DGKH: variants seen among roughly 807,000 people sequenced by gnomAD.
The protein encoded by DGKH is DAG kinase eta.
A neutral mutation model predicts 159.3 loss-of-function variants in DGKH; 90 were observed. That is an observed-to-expected ratio of 0.57 (90% CI 0.48 to 0.67). The LOEUF (loss-of-function observed/expected upper bound fraction) is 0.67. DGKH is among the 30% of genes least tolerant of loss of function. The pLI is 0.00. For synonymous variants in DGKH, 536 were observed against 553.8 expected, an observed-to-expected ratio of 0.97 and a Z score of 0.45; for missense variants, 1,181 against 1,506.1, an observed-to-expected ratio of 0.78 and a Z score of 3.57.
chr13:42,207,145 CCT>C (rs577050661), intron 21 of DGKH, among the ~76,000 whole-genome samples: 887 of 60,156 alleles, frequency 0.015, 75 homozygotes, highest in Admixed American at 0.023. Flanking sequence ...TTCCTTCCTT[CCT>C]TCCTTCCTTC....
chr13:42,132,096 A>G (rs1483545864), intron 3 of DGKH, among the ~76,000 whole-genome samples: 2 of 152,188 alleles, frequency 1.3e-5, no homozygotes, highest in East Asian at 1.9e-4. Context: ...GAGGGTGAAT[A>G]AGGTTTTCCC....
At chr13:42,061,649 CAG>C (rs1882179027) in intron 1 of DGKH, among the ~76,000 whole-genome samples, 1 of 152,128 alleles carries the variant, frequency 6.6e-6, no homozygotes, top group Non-Finnish European at 1.5e-5. Context: ...ACTCCAGTGC[CAG>C]AGTTATCTTT....
At chr13:42,134,059 T>C (rs1479661222) in intron 3 of DGKH, among the ~76,000 whole-genome samples, 3 of 152,162 alleles carry the variant, frequency 2.0e-5, no homozygotes, top group African/African-American at 4.8e-5. Flanking sequence ...AAGGGTGATA[T>C]ATTGACAAAG....
At chr13:42,158,899 A>G (rs1009496090) in intron 5 of DGKH, among the ~76,000 whole-genome samples, 4 of 152,160 alleles carry the variant, frequency 2.6e-5, no homozygotes, top group Non-Finnish European at 4.4e-5. Context: ...ATCAGCACCT[A>G]CATTTAAAAT....
At chr13:42,063,014 A>G (rs887213796) in intron 1 of DGKH, among the ~76,000 whole-genome samples, 1 of 152,330 alleles carries the variant, frequency 6.6e-6, no homozygotes, top group African/African-American at 2.4e-5. Flanking sequence ...ATGATTCTAC[A>G]TTCAGGTTTA....
intron 29 of DGKH, 56 bp from the exon 30 acceptor site, chr13:42,229,043 T>G: frequency 6.8e-7 from 1 of 1,461,680 alleles, no homozygotes; most frequent in African/African-American, 1.4e-5. Context: ...ATTTTCTTTC[T>G]GTGTTTTTTC....
chr13:42,180,995 G>A (rs1055994429), intron 13 of DGKH, among the ~76,000 whole-genome samples: 17 of 151,870 alleles, frequency 1.1e-4, no homozygotes, highest in South Asian at 4.2e-4. Context: ...TATCCTCTTC[G>A]GCCGGGCGCG....
chr13:42,125,784 G>A (rs979715455), intron 1 of DGKH, among the ~76,000 whole-genome samples: 6 of 152,100 alleles, frequency 3.9e-5, no homozygotes, highest in African/African-American at 1.4e-4. Context: ...TGTAAAAGTT[G>A]GAAATGAACT....
chr13:42,150,778 C>T (rs7990272), intron 3 of DGKH, among the ~76,000 whole-genome samples: 15,295 of 152,016 alleles, frequency 0.1, 1,860 homozygotes, highest in African/African-American at 0.29. Context: ...GTGTGGTAGG[C>T]TGAATAATGG....
chr13:42,094,020 TA>T (rs35291002), intron 1 of DGKH, among the ~76,000 whole-genome samples: 24,188 of 147,192 alleles, frequency 0.16, 2,076 homozygotes, highest in South Asian at 0.21. Context: ...TTTCCCTCAA[TA>T]AAAAAAACTT....
intron 8 of DGKH, among the ~76,000 whole-genome samples, chr13:42,165,927 C>T (rs73187291): frequency 0.11 from 16,100 of 152,010 alleles, 861 homozygotes; most frequent in Middle Eastern, 0.15. Context: ...CTAATTACTT[C>T]CTTCTAAGCA....
At chr13:42,204,308 C>T (rs2138172955) in intron 20 of DGKH, among the ~76,000 whole-genome samples, 1 of 152,196 alleles carries the variant, frequency 6.6e-6, no homozygotes, top group East Asian at 1.9e-4. Flanking sequence ...CATATTTATT[C>T]ATTCAACAAA....
rs1235475525 is a variant in DGKH at position 42,240,646 on chromosome 13, T to TTTAGA, written c.*11458_*11459insTTAGA. ...ATTTCAGGTTATTTAGAGTTATTAA[T>TTTAGA]GTAAACATAAGAAGGCTTGTGACTC... On this transcript the variant is annotated 3_prime_UTR_variant, in exon 30 of 30. Coordinates refer to ENST00000337343, the MANE Select transcript of DGKH (RefSeq NM_178009.5). The TTTAGA allele has an allele frequency of 6.6e-6, 1 of 152,206 alleles. No homozygotes were observed. The highest frequency in any genetic ancestry group is 1.5e-5 in the Non-Finnish European group (1 of 68,048). 9.4% of individuals were successfully genotyped at this position (152,206 alleles called of 1,614,324 possible).
intron 3 of DGKH, chr13:42,138,073 T>C: frequency 1.0e-6 from 1 of 985,206 alleles, no homozygotes; most frequent in Non-Finnish European, 1.2e-6. Flanking sequence ...TCTCATTCCC[T>C]GTGAGCTGAA....
intron 1 of DGKH, chr13:42,070,159 AGCGCTTCTTCT>A: frequency 2.2e-6 from 2 of 918,952 alleles, no homozygotes; most frequent in Non-Finnish European, 3.7e-6. Context: ...AGGATGGGAG[AGCGCTTCTTCT>A]GCTATTAACC....
intron 1 of DGKH, among the ~76,000 whole-genome samples, chr13:42,087,078 C>G (rs1317156781): frequency 6.6e-6 from 1 of 150,410 alleles, no homozygotes; most frequent in African/African-American, 2.5e-5. Flanking sequence ...CACACACACA[C>G]ACACACCTCA....
intron 1 of DGKH, among the ~76,000 whole-genome samples, chr13:42,057,090 T>A (rs1881818407): frequency 6.6e-6 from 1 of 152,224 alleles, no homozygotes; most frequent in African/African-American, 2.4e-5. Flanking sequence ...CTTTTTAACG[T>A]ACTTTTAAAA....
downstream of DGKH, among the ~76,000 whole-genome samples, chr13:42,247,683 T>C (rs919473813): frequency 3.3e-5 from 5 of 152,308 alleles, no homozygotes; most frequent in East Asian, 7.7e-4. Flanking sequence ...GACCTTCCAG[T>C]GGGACAAAAT....
At chr13:42,096,847 T>C (rs1028441442) in intron 1 of DGKH, among the ~76,000 whole-genome samples, 5 of 152,194 alleles carry the variant, frequency 3.3e-5, no homozygotes, top group Admixed American at 1.3e-4. Flanking sequence ...CCAATGAGTT[T>C]GATCATATGG....
Sources: allele counts gnomAD v4.1 joint callset (sites outside exome capture counted in the v4.1 genomes callset), GRCh38; gene constraint gnomAD v4.1.1; transcripts MANE v1.5; gene names NCBI Gene and HGNC (gene_info 2026-07-23, HGNC 2026-07-21).